FGD6: variants seen among roughly 807,000 people sequenced by gnomAD.
FGD6 encodes the protein FYVE, RhoGEF and PH domain containing 6, also known as FYVE, RhoGEF and PH domain-containing protein 6.
In FGD6, 90 loss-of-function variants were observed where a neutral mutation model predicts 149.4. The observed-to-expected ratio is 0.60, with a 90% CI of 0.51 to 0.72. The LOEUF is 0.72. Among genes scored for constraint, FGD6 ranks in the 30% least tolerant of loss-of-function variants. The pLI is 0.00. For synonymous variants in FGD6, 527 were observed against 584.0 expected, an observed-to-expected ratio of 0.90 and a Z score of 1.41; for missense variants, 1,437 against 1,684.8, an observed-to-expected ratio of 0.85 and a Z score of 2.57.
At chr12:95,129,168 T>C (rs1383295637) in intron 8 of FGD6, among the ~76,000 whole-genome samples, 2 of 152,108 alleles carry the variant, frequency 1.3e-5, no homozygotes, top group Non-Finnish European at 2.9e-5. Flanking sequence ...TGCTGGCAGA[T>C]CCTACAGGGA....
At chr12:95,158,500 A>G (rs1416064652) in intron 3 of FGD6, among the ~76,000 whole-genome samples, 1 of 152,080 alleles carries the variant, frequency 6.6e-6, no homozygotes, top group African/African-American at 2.4e-5. Flanking sequence ...TTCCTCAGGA[A>G]GACTGCAGTC....
intron 3 of FGD6, among the ~76,000 whole-genome samples, chr12:95,154,977 A>AG (rs1880424518): frequency 6.6e-6 from 1 of 152,104 alleles, no homozygotes; most frequent in Non-Finnish European, 1.5e-5. Flanking sequence ...TACAACACTG[A>AG]GGGAAAAAAC....
rs1399075379 is a variant in FGD6, at chr12:95,210,198, A to G, written c.1086T>C (p.Ser362=). Residue 362 remains serine, a synonymous_variant, in exon 2 of 21, where the codon AGT becomes AGC. Transcript: ENST00000343958. ...TENSLKINKI[S]VLHQNVLCKQ... ...TACACAAAACATTCTGATGCAGAAC[A>G]CTGATTTTATTGATTTTCAAACTAT... 6.2e-7 allele frequency: 1 copy of G among 1,614,034 alleles called. No homozygotes were observed.
intron 2 of FGD6, among the ~76,000 whole-genome samples, chr12:95,207,229 T>C (rs2056697340): frequency 1.3e-5 from 2 of 152,182 alleles, no homozygotes; most frequent in Admixed American, 1.3e-4. Context: ...GCACTTCTCC[T>C]TGCTGCCCCC....
intron 6 of FGD6, among the ~76,000 whole-genome samples, chr12:95,139,857 G>A (rs1163675647): frequency 1.3e-5 from 2 of 151,794 alleles, no homozygotes; most frequent in South Asian, 4.2e-4. Context: ...GGCTGGTCTC[G>A]AGCTCCTGAC....
intron 2 of FGD6, among the ~76,000 whole-genome samples, chr12:95,195,852 T>C (rs987622312): frequency 2.0e-5 from 3 of 149,608 alleles, no homozygotes; most frequent in Non-Finnish European, 3.0e-5. Context: ...GATGCAAACC[T>C]ACACATCTAA....
intron 2 of FGD6, among the ~76,000 whole-genome samples, chr12:95,180,293 C>A (rs142799372): frequency 1.3e-5 from 2 of 151,806 alleles, no homozygotes; most frequent in African/African-American, 4.8e-5. Context: ...AGGCTGTCCC[C>A]GAACACATTC....
At chr12:95,166,019 C>CTGGA (rs370799922) in intron 3 of FGD6, among the ~76,000 whole-genome samples, 25 of 147,156 alleles carry the variant, frequency 1.7e-4, no homozygotes, top group African/African-American at 6.0e-4. Context: ...GGAGTGCAGA[C>CTGGA]TGGAGTGCAG....
chr12:95,212,400 A>G lies in FGD6; in HGVS notation c.17-1133T>C, dbSNP rs554889939. On this transcript the variant is annotated intron_variant, in intron 1 of 20. Transcript: ENST00000343958. ...AAGGTATTTAACTAACACCTATTAT[A>G]CAATGCTGCATCGGTACAGATCTGC... 1.3e-3 allele frequency among the ~76,000 whole-genome samples: 202 copies of G among 152,348 alleles called. 1 individual carries two copies. The highest frequency in any genetic ancestry group is 4.7e-3 in the African/African-American group (196 of 41,580).
At chr12:95,103,486 G>C (rs745402207) in intron 14 of FGD6, among the ~76,000 whole-genome samples, 1 of 152,114 alleles carries the variant, frequency 6.6e-6, no homozygotes, top group Non-Finnish European at 1.5e-5. Flanking sequence ...TGCAGGTTCC[G>C]GTCTGGGGCA....
chr12:95,156,421 C>T (rs182993782), intron 3 of FGD6, among the ~76,000 whole-genome samples: 3 of 152,190 alleles, frequency 2.0e-5, no homozygotes, highest in Admixed American at 6.5e-5. Context: ...TCTCCCATAG[C>T]GCTCCCAGGC....
At chr12:95,194,394 C>T (rs1881681929) in intron 2 of FGD6, among the ~76,000 whole-genome samples, 1 of 150,442 alleles carries the variant, frequency 6.6e-6, no homozygotes, top group African/African-American at 2.4e-5. Flanking sequence ...AACCACTATG[C>T]CTGGCTAATT....
chr12:95,091,495 T>C lies in FGD6; in HGVS notation c.3850+212A>G, dbSNP rs981581721. Among the ~76,000 whole-genome samples the C allele has an allele frequency of 3.3e-5, 5 of 152,224 alleles. No homozygotes were observed. The South Asian group carries it at 1.0e-3, about 32-fold the overall frequency. On this transcript the variant is annotated intron_variant, in intron 17 of 20. Transcript: ENST00000343958. Reference sequence around the variant, plus strand: ...TGTAATTACATTTCTACAGTTTTCTTAGCAAAACCTTTTACACAGACTGAA... The same window carrying C: ...TGTAATTACATTTCTACAGTTTTCTCAGCAAAACCTTTTACACAGACTGAA...
intron 3 of FGD6, among the ~76,000 whole-genome samples, chr12:95,157,554 A>G (rs7979489): frequency 0.88 from 122,639 of 139,932 alleles, 54,118 homozygotes; most frequent in East Asian, 0.97. Context: ...CGACAAGAGC[A>G]AAACTCTGTC....
chr12:95,106,962 C>T lies in FGD6; in HGVS notation c.3409G>A (p.Gly1137Arg). ...CTAACAGATGCACACACCTTCATTC[C>T]AGCCAGTGAGAGCATGTTGTTCAGT... is the stretch of plus-strand genomic sequence containing the variant. Reference protein sequence around the residue: ...YKLNNMLSLAGMKVRKPTQEA... With the variant: ...YKLNNMLSLARMKVRKPTQEA... Residue 1137 changes from glycine (G) to arginine (R), a missense_variant, in exon 13 of 21, where the codon GGA becomes AGA. Physicochemically the swap from Gly to Arg is moderately radical, Grantham distance 125 (BLOSUM62 -2). Transcript: ENST00000343958. 6.2e-7 allele frequency: 1 copy of T among 1,610,972 alleles called. No homozygotes were observed. The highest frequency in any genetic ancestry group is 8.5e-7 in the Non-Finnish European group (1 of 1,177,740).
intron 2 of FGD6, among the ~76,000 whole-genome samples, chr12:95,193,936 TA>T (rs1482099741): frequency 6.6e-6 from 1 of 152,058 alleles, no homozygotes; most frequent in Non-Finnish European, 1.5e-5. Flanking sequence ...TTTTATATTT[TA>T]TTTTTATTTT....
At chr12:95,175,304 G>T (rs1881103552) in intron 2 of FGD6, among the ~76,000 whole-genome samples, 1 of 152,074 alleles carries the variant, frequency 6.6e-6, no homozygotes, top group African/African-American at 2.4e-5. Flanking sequence ...TCACCATACA[G>T]CCCAACACAC....
intron 20 of FGD6, among the ~76,000 whole-genome samples, chr12:95,083,012 A>AATATATATATATATAT (rs1555215600): frequency 1.0e-3 from 20 of 20,038 alleles, no homozygotes; most frequent in African/African-American, 5.0e-3. Flanking sequence ...AAAAAAAAAA[A>AATATATATATATATAT]ATATATATAT....
At chr12:95,162,050 G>A (rs1289048646) in intron 3 of FGD6, among the ~76,000 whole-genome samples, 9 of 149,476 alleles carry the variant, frequency 6.0e-5, no homozygotes, top group Admixed American at 2.0e-4. Flanking sequence ...GATCACTTGA[G>A]GCCAGGAATT....
Sources: gnomAD v4.1 joint callset for allele counts (sites outside exome capture counted in the v4.1 genomes callset) on GRCh38, gnomAD v4.1.1 for gene constraint, MANE v1.5 for transcripts, NCBI Gene and HGNC (gene_info 2026-07-23, HGNC 2026-07-21) for gene names.